ZDHHC14: variants seen among roughly 807,000 people sequenced by gnomAD.
ZDHHC14 encodes zDHHC palmitoyltransferase 14, also known as palmitoyltransferase ZDHHC14.
A neutral mutation model predicts 47.7 loss-of-function variants in ZDHHC14; 16 were observed. The observed-to-expected ratio is 0.34, with a 90% CI of 0.23 to 0.51. The LOEUF is 0.51. Ranked by LOEUF, ZDHHC14 falls within the 20% of genes least tolerant of loss-of-function variation. The pLI is 0.97. For missense variants in ZDHHC14, 515 were observed against 662.5 expected, an observed-to-expected ratio of 0.78 and a Z score of 2.44; for synonymous variants, 293 against 278.9, an observed-to-expected ratio of 1.05 and a Z score of -0.50.
chr6:157,426,561 G>T (rs541802499), intron 1 of ZDHHC14, among the ~76,000 whole-genome samples: 2 of 152,278 alleles, frequency 1.3e-5, no homozygotes, highest in Non-Finnish European at 2.9e-5. Context: ...CGCAGGATGT[G>T]TGGGTCTGGC....
intron 1 of ZDHHC14, among the ~76,000 whole-genome samples, chr6:157,416,704 G>A (rs1289405763): frequency 1.4e-5 from 2 of 139,178 alleles, no homozygotes; most frequent in Non-Finnish European, 1.5e-5. Context: ...AAAGATAAAC[G>A]TAGTACATGC....
At chr6:157,504,783 GTGTTTTGTTTTGTTT>G (rs10692552) in intron 1 of ZDHHC14, among the ~76,000 whole-genome samples, 24 of 149,316 alleles carry the variant, frequency 1.6e-4, no homozygotes, top group African/African-American at 4.0e-4. Context: ...AAAATACCAT[GTGTTTTGTTTTGTTT>G]TGTTTTGTTT....
At chr6:157,618,929 A>G (rs1785072165) in intron 3 of ZDHHC14, among the ~76,000 whole-genome samples, 1 of 152,180 alleles carries the variant, frequency 6.6e-6, no homozygotes, top group Non-Finnish European at 1.5e-5. Context: ...TACAAATGAA[A>G]CCATCTTTTT....
chr6:157,483,812 A>C (rs1256308658), intron 1 of ZDHHC14, among the ~76,000 whole-genome samples: 1 of 152,164 alleles, frequency 6.6e-6, no homozygotes, highest in Non-Finnish European at 1.5e-5. Context: ...GGGAACTTTA[A>C]GATGCATGAC....
At chr6:157,526,749 G>A (rs1392444667) in intron 1 of ZDHHC14, among the ~76,000 whole-genome samples, 1 of 152,202 alleles carries the variant, frequency 6.6e-6, no homozygotes, top group Non-Finnish European at 1.5e-5. Flanking sequence ...GCGACTGTGG[G>A]AACCCATCTT....
At chr6:157,461,076 A>C (rs556275092) in intron 1 of ZDHHC14, among the ~76,000 whole-genome samples, 1 of 152,360 alleles carries the variant, frequency 6.6e-6, no homozygotes, top group Non-Finnish European at 1.5e-5. Flanking sequence ...CATGCAATTC[A>C]TAGCGGGGCC....
chr6:157,392,887 T>C (rs1048616416), intron 1 of ZDHHC14, among the ~76,000 whole-genome samples: 3 of 152,108 alleles, frequency 2.0e-5, no homozygotes, highest in African/African-American at 7.2e-5. Context: ...TTTAATTATT[T>C]TTTTTGAGAT....
intron 1 of ZDHHC14, among the ~76,000 whole-genome samples, chr6:157,391,055 G>C (rs755107250): frequency 1.3e-5 from 2 of 152,166 alleles, no homozygotes; most frequent in African/African-American, 2.4e-5. Flanking sequence ...TTTGGGCCTT[G>C]GGGAAGCTTC....
In ZDHHC14 at chr6:157,677,998, G is replaced by A. The variant is rs992308969; in HGVS notation, c.*4876G>A. The A allele has an allele frequency of 3.3e-5, 5 of 150,986 alleles. No individual in the cohort carries two copies. Among genetic ancestry groups the A allele is most frequent in the Admixed American group, 2.6e-4 (4 of 15,160 alleles). 9.4% of individuals were successfully genotyped at this position (150,986 alleles called of 1,614,324 possible). On this transcript the variant is annotated 3_prime_UTR_variant, in exon 9 of 9. Coordinates refer to ENST00000359775, the MANE Select transcript of ZDHHC14 (RefSeq NM_024630.3). ...TTCAAAGCTCTAAATCCAAACAATG[G>A]TGAACACATGTACATAACATTTCAT...
intron 1 of ZDHHC14, among the ~76,000 whole-genome samples, chr6:157,464,648 T>G (rs1779164312): frequency 6.6e-6 from 1 of 152,208 alleles, no homozygotes; most frequent in Non-Finnish European, 1.5e-5. Flanking sequence ...TTAATCACTT[T>G]CTCTTTTCCT....
At chr6:157,671,065 T>A (rs1261809853) in intron 8 of ZDHHC14, among the ~76,000 whole-genome samples, 1 of 152,206 alleles carries the variant, frequency 6.6e-6, no homozygotes, top group Non-Finnish European at 1.5e-5. Context: ...TGCAGGGGTA[T>A]GAGCAATGGC....
chr6:157,431,076 G>A (rs1778330191), intron 1 of ZDHHC14, among the ~76,000 whole-genome samples: 1 of 152,218 alleles, frequency 6.6e-6, no homozygotes, highest in African/African-American at 2.4e-5. Context: ...CTGCCAGAGT[G>A]TATACGGGAC....
intron 2 of ZDHHC14, among the ~76,000 whole-genome samples, chr6:157,575,013 G>A (rs1417205052): frequency 6.6e-6 from 1 of 152,198 alleles, no homozygotes; most frequent in Admixed American, 6.5e-5. Flanking sequence ...GGCTTGTTCC[G>A]ATTATGGGGT....
At chr6:157,643,650 A>AATATACATATATATATATATATATATAT (rs1777365921) in intron 5 of ZDHHC14, among the ~76,000 whole-genome samples, 2 of 72,520 alleles carry the variant, frequency 2.8e-5, no homozygotes, top group Admixed American at 3.5e-4. Context: ...CTTCATCTCA[A>AATATACATATATATATATATATATATAT]ATATATATAT....
At chr6:157,617,431 G>T (rs1186659301) in intron 3 of ZDHHC14, among the ~76,000 whole-genome samples, 1 of 152,108 alleles carries the variant, frequency 6.6e-6, no homozygotes, top group Non-Finnish European at 1.5e-5. Context: ...ACTCATCGCA[G>T]TTGGCTTCTC....
At chr6:157,622,273 C>T (rs1785227226) in intron 3 of ZDHHC14, among the ~76,000 whole-genome samples, 1 of 151,566 alleles carries the variant, frequency 6.6e-6, no homozygotes, top group South Asian at 2.1e-4. Context: ...GCCTATAGTC[C>T]CAGCCACTCG....
chr6:157,419,051 A>T lies in ZDHHC14; in HGVS notation c.245+36785A>T, dbSNP rs148862611. Among the ~76,000 whole-genome samples the T allele has an allele frequency of 1.9e-3, 282 of 152,286 alleles. 2 individuals carry two copies. The highest frequency in any genetic ancestry group is 6.4e-3 in the African/African-American group (266 of 41,562). Reference sequence around the variant, plus strand: ...CTTGCAGGTTTAGGGCCATTTGTGGAGCAGCAGGCTTGGAATAGGACTGGG... The same window carrying T: ...CTTGCAGGTTTAGGGCCATTTGTGGTGCAGCAGGCTTGGAATAGGACTGGG... On this transcript the variant is annotated intron_variant, in intron 1 of 8. Transcript: ENST00000359775.
At chr6:157,473,268 C>T (rs1415630867) in intron 1 of ZDHHC14, among the ~76,000 whole-genome samples, 1 of 152,214 alleles carries the variant, frequency 6.6e-6, no homozygotes, top group East Asian at 1.9e-4. Context: ...TGAATCTGTT[C>T]CTCCTGTTTG....
At chr6:157,387,519 A>G (rs1777339372) in intron 1 of ZDHHC14, among the ~76,000 whole-genome samples, 1 of 152,220 alleles carries the variant, frequency 6.6e-6, no homozygotes, top group Non-Finnish European at 1.5e-5. Flanking sequence ...GCTGTGCCTC[A>G]TAGAACACCA....
Sources: gnomAD v4.1 joint callset for allele counts (sites outside exome capture counted in the v4.1 genomes callset) on GRCh38, gnomAD v4.1.1 for gene constraint, MANE v1.5 for transcripts, NCBI Gene and HGNC (gene_info 2026-07-23, HGNC 2026-07-21) for gene names.